Variants in TNFRSF10D observed in about 807,000 individuals in gnomAD.
TNFRSF10D encodes TNF receptor superfamily member 10d.
TNFRSF10D carries 28 observed loss-of-function variants against 42.1 expected under a neutral mutation model. That is an observed-to-expected ratio of 0.66 (90% confidence interval 0.49 to 0.91). TNFRSF10D has a LOEUF of 0.91. Among genes scored for constraint, TNFRSF10D ranks in the 40% least tolerant of loss-of-function variants. The pLI, the probability that TNFRSF10D is intolerant of heterozygous loss-of-function variation, is 0.00. For synonymous variants in TNFRSF10D, 186 were observed against 189.4 expected (o/e 0.98, Z 0.15); for missense variants, 503 against 486.1 (o/e 1.03, Z -0.33).
chr8:23,142,345 C>A (rs1302171446), intron 7 of TNFRSF10D, among the ~76,000 whole-genome samples: 1 of 151,978 alleles, frequency 6.6e-6, no homozygotes, highest in Non-Finnish European at 1.5e-5. Context: ...TGGAATCAAC[C>A]TAGGTTCCCA....
At chr8:23,147,105 T>C (rs1480310530) in intron 3 of TNFRSF10D, 33 bp from the exon 4 acceptor site, 3 of 1,583,158 alleles carry the variant, frequency 1.9e-6, no homozygotes, top group African/African-American at 1.3e-5. Context: ...TGAGAATGTG[T>C]TTCCCTGACA....
At chr8:23,142,894 T>C (rs1423523245) in intron 7 of TNFRSF10D, among the ~76,000 whole-genome samples, 2 of 152,194 alleles carry the variant, frequency 1.3e-5, no homozygotes, top group Non-Finnish European at 2.9e-5. Context: ...TTATCTGTTG[T>C]ATTCACCTGA....
intron 7 of TNFRSF10D, among the ~76,000 whole-genome samples, chr8:23,143,847 T>C (rs184190466): frequency 6.0e-3 from 916 of 152,168 alleles, no homozygotes; most frequent in African/African-American, 0.019. Flanking sequence ...ATCATCTTAT[T>C]TTATCCTGAA....
chr8:23,149,154 A>C (rs569884120), intron 2 of TNFRSF10D, among the ~76,000 whole-genome samples: 93 of 147,674 alleles, frequency 6.3e-4, no homozygotes, highest in Non-Finnish European at 7.0e-4. Flanking sequence ...TGTGCCACTG[A>C]ACTCCAGCCT....
chr8:23,163,877 G>A lies in TNFRSF10D; in HGVS notation c.59C>T (p.Pro20Leu). 1 of 1,600,748 alleles carries A rather than the reference G, an allele frequency of 6.2e-7. No individual in the cohort carries two copies. Among genetic ancestry groups the A allele is most frequent in the Non-Finnish European group, 8.5e-7 (1 of 1,175,340 alleles). Residue 20 changes from proline (P) to leucine (L), a missense_variant, in exon 1 of 9, where the codon CCA becomes CTA. Physicochemically the swap from Pro to Leu is moderately conservative, Grantham distance 98 (BLOSUM62 -3). Transcript: ENST00000312584. ...TASSARAGRY[P>L]GARTASGTRP... ...GGTTCCCGACGCTGTCCTGGCTCCT[G>A]GATAGCGCCCTGCTCGAGCGCTCGA... is the stretch of plus-strand genomic sequence containing the variant.
chr8:23,159,397 G>C (rs1800330232), intron 1 of TNFRSF10D, among the ~76,000 whole-genome samples: 1 of 152,148 alleles, frequency 6.6e-6, no homozygotes, highest in African/African-American at 2.4e-5. Context: ...TTATTTTTAA[G>C]GATGAGAAGT....
chr8:23,137,447 C>A lies in TNFRSF10D; in HGVS notation c.*423G>T, dbSNP rs138038906. The A allele has an allele frequency of 5.9e-3, 933 of 157,582 alleles. No individual in the cohort carries two copies. The highest frequency in any genetic ancestry group is 0.019 in the African/African-American group (791 of 41,556). 9.8% of individuals were successfully genotyped at this position (157,582 alleles called of 1,614,324 possible). A position where few individuals can be genotyped will look rare whatever the true frequency, so the allele number is the denominator to read the frequency against. ...AGACTTGTCTCATGATGAAGAACTG[C>A]AAAGAATGACATCCTAAAACCACTT... On this transcript the variant is annotated 3_prime_UTR_variant, in exon 9 of 9. Transcript: ENST00000312584.
chr8:23,152,549 A>C (rs970129127), intron 2 of TNFRSF10D, among the ~76,000 whole-genome samples: 2 of 152,252 alleles, frequency 1.3e-5, no homozygotes, highest in African/African-American at 4.8e-5. Flanking sequence ...AAAACAATTG[A>C]ACAGGGAAAG....
chr8:23,160,609 C>T (rs1237865801), intron 1 of TNFRSF10D, among the ~76,000 whole-genome samples: 12 of 152,222 alleles, frequency 7.9e-5, no homozygotes, highest in Admixed American at 7.9e-4. Context: ...CGAAGATGTA[C>T]ACTCTCTGGC....
At position 23,154,929 on chromosome 8, in the gene TNFRSF10D, C is replaced by G; in HGVS notation, c.201G>C (p.Gln67His). 1 of 1,613,936 alleles carries G rather than the reference C, an allele frequency of 6.2e-7. No homozygotes were observed. The highest frequency in any genetic ancestry group is 8.5e-7 in the Non-Finnish European group (1 of 1,179,916). ...GCCTCTGTTGCTGTGGGGCCACTGT[C>G]TGCTGGGGAACTTCGTCCTGCCGGG... ...TIPRQDEVPQ[Q>H]TVAPQQQRRS... Residue 67 changes from glutamine (Q) to histidine (H), a missense_variant, in exon 2 of 9, where the codon CAG becomes CAC. Transcript: ENST00000312584.
At chr8:23,154,440 A>AT (rs1260456180) in intron 2 of TNFRSF10D, among the ~76,000 whole-genome samples, 740 of 151,934 alleles carry the variant, frequency 4.9e-3, no homozygotes, top group African/African-American at 0.015. Flanking sequence ...CCCCAGGTAC[A>AT]TATGCTTTAA....
intron 2 of TNFRSF10D, among the ~76,000 whole-genome samples, chr8:23,152,848 T>C (rs142173886): frequency 6.0e-3 from 909 of 152,206 alleles, no homozygotes; most frequent in African/African-American, 0.019. Flanking sequence ...TGACATTTTT[T>C]ACCAAAATAG....
At chr8:23,144,955 G>A (rs1800093358) in intron 6 of TNFRSF10D, 103 bp downstream of exon 6, 4 of 1,537,372 alleles carry the variant, frequency 2.6e-6, no homozygotes, top group Middle Eastern at 3.4e-4. Context: ...AGAGAGTCAG[G>A]GCAGCCATGA....
intron 7 of TNFRSF10D, among the ~76,000 whole-genome samples, chr8:23,140,294 GA>G (rs1266432415): frequency 2.7e-5 from 4 of 148,030 alleles, no homozygotes; most frequent in South Asian, 4.3e-4. Flanking sequence ...GTCTCAAAAA[GA>G]AAAAAAATCA....
chr8:23,162,310 C>G (rs1297793811), intron 1 of TNFRSF10D, among the ~76,000 whole-genome samples: 5 of 152,222 alleles, frequency 3.3e-5, no homozygotes, highest in Admixed American at 3.3e-4. Flanking sequence ...TCCACACATT[C>G]TCTCTTCAGG....
intron 2 of TNFRSF10D, among the ~76,000 whole-genome samples, chr8:23,148,892 A>T (rs1025283007): frequency 6.8e-6 from 1 of 146,420 alleles, no homozygotes; most frequent in African/African-American, 2.4e-5. Flanking sequence ...AATATTTGAA[A>T]TATTTTATCT....
Position 23,138,328 on chromosome 8 carries a change from C to T in TNFRSF10D, c.955-68G>A. ...CCTGCAGTCTAGTACTGACCCTGAC[C>T]ACTAGCCAGCAAGAGACCTGCAGCG... is the stretch of plus-strand genomic sequence containing the variant. On this transcript the variant is annotated intron_variant, in intron 7 of 8. Coordinates refer to ENST00000312584, the MANE Select transcript of TNFRSF10D (RefSeq NM_003840.5). 3.8e-6 allele frequency: 6 copies of T among 1,558,984 alleles called. No individual in the cohort carries two copies. In the Admixed American group the frequency reaches 8.4e-5, roughly 22 times the overall value.
intron 1 of TNFRSF10D, among the ~76,000 whole-genome samples, chr8:23,159,695 C>G (rs1800335892): frequency 6.6e-6 from 1 of 152,108 alleles, no homozygotes; most frequent in South Asian, 2.1e-4. Flanking sequence ...AACCCCGTCT[C>G]TACTAAAAAT....
chr8:23,144,203 C>G (rs971444436), intron 7 of TNFRSF10D, among the ~76,000 whole-genome samples: 1 of 152,240 alleles, frequency 6.6e-6, no homozygotes, highest in Non-Finnish European at 1.5e-5. Context: ...GTGACACCCA[C>G]TCTATGCCTG....
Sources: gnomAD v4.1 joint callset for allele counts (sites outside exome capture counted in the v4.1 genomes callset) on GRCh38, gnomAD v4.1.1 for gene constraint, MANE v1.5 for transcripts, NCBI Gene and HGNC (gene_info 2026-07-23, HGNC 2026-07-21) for gene names.